The following PCYT2 variants were observed in gnomAD, a reference collection of about 807,000 sequenced individuals.
PCYT2 encodes ethanolamine-phosphate cytidylyltransferase.
A neutral mutation model predicts 50.0 loss-of-function variants in PCYT2; 33 were observed. The observed-to-expected ratio is 0.66, with a 90% CI of 0.50 to 0.88. The LOEUF (loss-of-function observed/expected upper bound fraction) is 0.88, where lower values mean the gene tolerates loss of function less well. PCYT2 is among the 40% of genes least tolerant of loss of function. The probability of loss-of-function intolerance (pLI) is 0.00; values close to 1 mark genes in which losing one functional copy is unlikely to be tolerated. For missense variants in PCYT2, 430 were observed against 519.7 expected (o/e 0.83, Z 1.68); for synonymous variants, 240 against 203.7 (o/e 1.18, Z -1.52).
intron 3 of PCYT2, 51 bp from the exon 4 acceptor site, chr17:81,908,685 C>G (rs372935109): frequency 6.6e-7 from 1 of 1,512,420 alleles, no homozygotes; most frequent in East Asian, 2.3e-5. Flanking sequence ...GCCACCAGAA[C>G]CTTCAGAGCC....
At chr17:81,908,481 C>T (rs542084104) in intron 4 of PCYT2, 87 bp downstream of exon 4, 284 of 1,028,034 alleles carry the variant, frequency 2.8e-4, no homozygotes, top group Non-Finnish European at 3.6e-4. Context: ...GCTCCCCTCA[C>T]GGGCTCCCGG....
intron 9 of PCYT2, 69 bp from the exon 10 acceptor site, chr17:81,905,804 G>A (rs530525848): frequency 6.0e-6 from 9 of 1,498,066 alleles, no homozygotes; most frequent in Non-Finnish European, 7.4e-6. Context: ...CCACAGGGTG[G>A]TGAGAGACGG....
Position 81,902,668 on chromosome 17 carries a change from C to G in PCYT2, c.*2165G>C. 6.2e-7 allele frequency: 1 copy of G among 1,607,692 alleles called. No homozygotes were observed. Among genetic ancestry groups the G allele is most frequent in the Non-Finnish European group, 8.5e-7 (1 of 1,178,574 alleles). ...CCCAAACCTGCAGAGGTGCGAGCGG[C>G]TCCCCGACGGCCGCGGGACCTACCA... On this transcript the variant is annotated 3_prime_UTR_variant, in exon 13 of 13. Transcript: ENST00000538936.
intron 2 of PCYT2, 116 bp downstream of exon 2, chr17:81,909,398 C>G (rs2040454205): frequency 6.9e-7 from 1 of 1,443,270 alleles, no homozygotes. Flanking sequence ...CCTACAGTGC[C>G]CTCCCCTACA....
At chr17:81,906,571 G>A (rs779186791) in intron 7 of PCYT2, 25 bp from the exon 8 acceptor site, 14 of 1,608,402 alleles carry the variant, frequency 8.7e-6, no homozygotes, top group South Asian at 2.2e-5. Flanking sequence ...AGAAGCAGTC[G>A]GGATGGGGAT....
At position 81,905,874 on chromosome 17, in the gene PCYT2, C is replaced by A. The variant is rs571835210; in HGVS notation, c.838-139G>T. On this transcript the variant is annotated intron_variant, in intron 9 of 12. Coordinates refer to ENST00000538936, the MANE Select transcript of PCYT2 (RefSeq NM_002861.5). ...GGGATGGGCTGGGCAGGCTGGGGAC[C>A]CCTGGGGCTCCTCCATGAGACAAGA... 249 of 893,596 alleles carry A rather than the reference C, an allele frequency of 2.8e-4. No individual in the cohort carries two copies. Among genetic ancestry groups the A allele is most frequent in the Non-Finnish European group, 4.1e-4 (223 of 544,802 alleles). The allele number at this position is 893,596 out of a possible 1,614,324, so 55.4% of individuals were successfully genotyped here.
chr17:81,905,652 G>A lies in PCYT2; in HGVS notation c.903+18C>T. ...GAGGTGAACAGAGGGAACGAGGTGA[G>A]CCCATGCGGAGCCTCACCTTGAAGT... On this transcript the variant is annotated intron_variant, in intron 10 of 12. Coordinates refer to ENST00000538936, the MANE Select transcript of PCYT2 (RefSeq NM_002861.5). 6.2e-7 allele frequency: 1 copy of A among 1,610,254 alleles called. No individual in the cohort carries two copies.
rs1401041094 is a variant in PCYT2, at chr17:81,906,653, C to T, written c.676+107G>A. ...CATCCTCCCTGCTGACAGCTGCTCC[C>T]CTGCAAACCAGCCAGCCCAGTCTGG... is the stretch of plus-strand genomic sequence containing the variant. On this transcript the variant is annotated intron_variant, in intron 7 of 12. Coordinates refer to ENST00000538936, the MANE Select transcript of PCYT2 (RefSeq NM_002861.5). The T allele has an allele frequency of 1.0e-5, 16 of 1,578,066 alleles. No individual in the cohort carries two copies. In the East Asian group the frequency reaches 2.7e-4, roughly 26 times the overall value.
chr17:81,907,035 A>C, intron 6 of PCYT2, 137 bp from the exon 7 acceptor site: 2 of 1,145,954 alleles, frequency 1.7e-6, no homozygotes, highest in Non-Finnish European at 2.5e-6. Flanking sequence ...ACACACTGCC[A>C]GGCCAGGTGG....
Position 81,904,699 on chromosome 17 carries a change from G to A in PCYT2, c.*134C>T, listed in dbSNP as rs2040142279. 3.2e-6 allele frequency: 2 copies of A among 623,166 alleles called. No individual in the cohort carries two copies. The highest frequency in any genetic ancestry group is 2.9e-5 in the Admixed American group (1 of 34,056). The allele number at this position is 623,166 out of a possible 1,614,324, so 38.6% of individuals were successfully genotyped here. ...TGCAAACCAGGCACCTTGTAGGCAG[G>A]CAAGGAGGCAGAGTCCTCACCAGCC... On this transcript the variant is annotated 3_prime_UTR_variant, in exon 13 of 13. Coordinates refer to ENST00000538936, the MANE Select transcript of PCYT2 (RefSeq NM_002861.5).
Position 81,911,337 on chromosome 17 carries a change from C to A in PCYT2, c.19G>T (p.Gly7Trp). 9.0e-7 allele frequency: 1 copy of A among 1,105,698 alleles called. No individual in the cohort carries two copies. The highest frequency in any genetic ancestry group is 2.4e-5 in the South Asian group (1 of 41,930). 68.5% of individuals were successfully genotyped at this position (1,105,698 alleles called of 1,614,324 possible). MIRNGR[G>W]AAGGAEQPGP... Reference sequence around the variant, plus strand: ...GGCTGCTCTGCGCCGCCTGCAGCCCCGCGCCCGTTCCGGATCATGGCCCCG... The same window carrying A: ...GGCTGCTCTGCGCCGCCTGCAGCCCAGCGCCCGTTCCGGATCATGGCCCCG... Residue 7 changes from glycine to tryptophan, a missense_variant, in exon 1 of 13, where the codon GGG becomes TGG. Coordinates refer to ENST00000538936, the MANE Select transcript of PCYT2 (RefSeq NM_002861.5).
chr17:81,905,100 T>C lies in PCYT2; in HGVS notation c.1024A>G (p.Thr342Ala), dbSNP rs777955570. Residue 342 changes from threonine to alanine, a missense_variant, in exon 12 of 13, where the codon ACA becomes GCA. Physicochemically the swap from Thr to Ala is moderately conservative, Grantham distance 58 (BLOSUM62 0). Around this residue, in one of 4 missense-constraint regions of PCYT2, gnomAD observed 248 missense variants for 300.2 expected, o/e 0.83. Coordinates refer to ENST00000538936, the MANE Select transcript of PCYT2 (RefSeq NM_002861.5). ...RQIDSGSNLT[T>A]DLIVQRIITN... ...ATGATCCGCTGGACGATGAGGTCTG[T>C]GGTGAGGTTGCTGCCACTGTCAATC... is the stretch of plus-strand genomic sequence containing the variant. 1.4e-5 allele frequency: 22 copies of C among 1,613,096 alleles called. No individual in the cohort carries two copies. Among genetic ancestry groups the C allele is most frequent in the Admixed American group, 5.0e-5 (3 of 59,984 alleles).
chr17:81,907,584 C>G lies in PCYT2; in HGVS notation c.507G>C (p.Glu169Asp). 2 of 1,611,980 alleles carry G rather than the reference C, an allele frequency of 1.2e-6. No homozygotes were observed. The highest frequency in any genetic ancestry group is 1.7e-6 in the Non-Finnish European group (2 of 1,179,488). ...CAAAACTGTCTGCATACTCCCGGTA[C>G]TCAGAGGACATCTCCTGCACAGAAG... Reference protein sequence around the residue: ...AHHSSQEMSSEYREYADSFGK... With the variant: ...AHHSSQEMSSDYREYADSFGK... The change falls in exon 6 of 13, where the codon GAG becomes GAC. Residue 169 changes from glutamate to aspartate, a missense_variant. Glu to Asp is a conservative substitution (Grantham distance 45). Transcript: ENST00000538936.
At chr17:81,909,235 G>T (rs964586837) in intron 2 of PCYT2, 198 bp from the exon 3 acceptor site, 2 of 1,431,236 alleles carry the variant, frequency 1.4e-6, no homozygotes, top group East Asian at 5.0e-5. Context: ...CAAAGGCAGA[G>T]ATTCCTTCTG....
rs985011371 is a variant in PCYT2, at chr17:81,910,788, G to A, written c.89+479C>T. The A allele has an allele frequency of 4.8e-6, 3 of 622,060 alleles. No homozygotes were observed. The African/African-American group carries it at 6.0e-5, about 12-fold the overall frequency. The allele number at this position is 622,060 out of a possible 1,614,324, so 38.5% of individuals were successfully genotyped here. ...AACCCGAAACTTTTCTTAAAACAATGCCCTCTGACTGGCCAGGGAAGACCG... is the reference window on the plus strand; with the variant it reads ...AACCCGAAACTTTTCTTAAAACAATACCCTCTGACTGGCCAGGGAAGACCG... On this transcript the variant is annotated intron_variant, in intron 1 of 12. Transcript: ENST00000538936.
Position 81,902,182 on chromosome 17 carries a change from G to C in PCYT2, c.*2651C>G. 2 of 985,282 alleles carry C rather than the reference G, an allele frequency of 2.0e-6. No homozygotes were observed. Among genetic ancestry groups the C allele is most frequent in the Non-Finnish European group, 2.6e-6 (2 of 775,064 alleles). The allele number at this position is 985,282 out of a possible 1,614,324, so 61.0% of individuals were successfully genotyped here. Reference sequence around the variant, plus strand: ...CGCCCGCCGCCCCTCCCGGCCCTCCGCAGCCTCGGCCCGCCCTCGCCGCAG... The same window carrying C: ...CGCCCGCCGCCCCTCCCGGCCCTCCCCAGCCTCGGCCCGCCCTCGCCGCAG... On this transcript the variant is annotated 3_prime_UTR_variant, in exon 13 of 13. Coordinates refer to ENST00000538936, the MANE Select transcript of PCYT2 (RefSeq NM_002861.5).
At chr17:81,905,272 G>A (rs1252391162) in intron 11 of PCYT2, 110 bp downstream of exon 11, 24 of 1,318,572 alleles carry the variant, frequency 1.8e-5, no homozygotes, top group South Asian at 2.5e-5. Flanking sequence ...TGGTGCAGTC[G>A]GAGCAGCTGC....
chr17:81,909,953 G>A (rs932397889), intron 1 of PCYT2, among the ~76,000 whole-genome samples: 4 of 152,178 alleles, frequency 2.6e-5, no homozygotes, highest in Non-Finnish European at 5.9e-5. Context: ...CAACTGCCCT[G>A]GGCAGTCACT....
In PCYT2 at chr17:81,902,382, C is replaced by G. The variant is rs988293533; in HGVS notation, c.*2451G>C. The G allele has an allele frequency of 4.5e-5, 61 of 1,343,014 alleles. No homozygotes were observed. In the African/African-American group the frequency reaches 9.0e-4, roughly 20 times the overall value. The allele number at this position is 1,343,014 out of a possible 1,614,324, so 83.2% of individuals were successfully genotyped here. A position where few individuals can be genotyped will look rare whatever the true frequency, so the allele number is the denominator to read the frequency against. ...AGCCAGCGGCGGGGCACAGCTCCTACTCGGTGGGCCGCGCCGCGGGGCTGC... is the reference window on the plus strand; with the variant it reads ...AGCCAGCGGCGGGGCACAGCTCCTAGTCGGTGGGCCGCGCCGCGGGGCTGC... On this transcript the variant is annotated 3_prime_UTR_variant, in exon 13 of 13. Transcript: ENST00000538936.
Sources: allele counts gnomAD v4.1 joint callset (sites outside exome capture counted in the v4.1 genomes callset), GRCh38; gene constraint gnomAD v4.1.1; regional missense constraint gnomAD v4.1.1; transcripts MANE v1.5; gene names NCBI Gene and HGNC (gene_info 2026-07-23, HGNC 2026-07-21).